TTC28: variants seen among roughly 807,000 people sequenced by gnomAD.
The protein encoded by TTC28 is tetratricopeptide repeat protein 28.
Under a neutral mutation model 198.0 loss-of-function variants are expected in TTC28, and 61 were observed. The observed-to-expected ratio is 0.31, with a 90% confidence interval of 0.25 to 0.38. TTC28 has a LOEUF of 0.38. Ranked by LOEUF, TTC28 falls within the 10% of genes least tolerant of loss-of-function variation. The probability of loss-of-function intolerance (pLI) is 1.00; values close to 1 mark genes in which losing one functional copy is unlikely to be tolerated. For synonymous variants in TTC28, 1,171 were observed against 1,297.8 expected, an observed-to-expected ratio of 0.90 and a Z score of 2.10; for missense variants, 2,678 against 3,164.0, an observed-to-expected ratio of 0.85 and a Z score of 3.69.
intron 2 of TTC28, among the ~76,000 whole-genome samples, chr22:28,611,613 A>G (rs1039087617): frequency 7.4e-5 from 11 of 148,034 alleles, no homozygotes; most frequent in South Asian, 6.8e-4. Context: ...ACCCACTAAC[A>G]TGTCATCTAG....
chr22:28,169,992 T>C (rs190328005), intron 5 of TTC28, among the ~76,000 whole-genome samples: 16 of 152,192 alleles, frequency 1.1e-4, no homozygotes, highest in African/African-American at 3.9e-4. Context: ...CTACGCAGAA[T>C]TGATAAAGAA....
chr22:28,655,861 A>C (rs1484044752), intron 1 of TTC28, among the ~76,000 whole-genome samples: 2 of 116,320 alleles, frequency 1.7e-5, no homozygotes, highest in Non-Finnish European at 3.9e-5. Flanking sequence ...AAAAAAAAGA[A>C]AAAAAAAAAA....
chr22:28,520,150 A>G (rs1386765831), intron 2 of TTC28, among the ~76,000 whole-genome samples: 2 of 152,226 alleles, frequency 1.3e-5, no homozygotes, highest in African/African-American at 4.8e-5. Context: ...TTTGAGTCCC[A>G]ACTTTACCCA....
chr22:28,580,331 T>C (rs1310687332), intron 2 of TTC28, among the ~76,000 whole-genome samples: 3 of 152,196 alleles, frequency 2.0e-5, no homozygotes, highest in African/African-American at 7.2e-5. Context: ...CTTTATGGTA[T>C]TTTTAATTTA....
At chr22:28,553,483 G>A (rs6005812) in intron 2 of TTC28, among the ~76,000 whole-genome samples, 48,026 of 148,914 alleles carry the variant, frequency 0.32, 8,312 homozygotes, top group African/African-American at 0.45. Flanking sequence ...CCGCAACCCC[G>A]TCTGGGAGGC....
chr22:28,022,745 C>T (rs752363517), intron 13 of TTC28, among the ~76,000 whole-genome samples: 15 of 152,218 alleles, frequency 9.9e-5, no homozygotes, highest in Non-Finnish European at 1.5e-4. Context: ...GAGATCTGAA[C>T]CTGAGTTTTA....
At chr22:28,633,492 G>A (rs2051214271) in intron 1 of TTC28, among the ~76,000 whole-genome samples, 1 of 151,860 alleles carries the variant, frequency 6.6e-6, no homozygotes, top group Non-Finnish European at 1.5e-5. Context: ...AGCTGAGTGG[G>A]TGACACGCAC....
At chr22:28,673,387 G>A (rs2051922081) in intron 1 of TTC28, among the ~76,000 whole-genome samples, 1 of 151,980 alleles carries the variant, frequency 6.6e-6, no homozygotes. Context: ...AAAGTTAACT[G>A]CGAATGTTAA....
At chr22:28,012,539 T>C (rs923462677) in intron 14 of TTC28, among the ~76,000 whole-genome samples, 4 of 152,020 alleles carry the variant, frequency 2.6e-5, no homozygotes, top group African/African-American at 9.7e-5. Flanking sequence ...TGAGATATGG[T>C]TCAGTTCTGT....
intron 5 of TTC28, among the ~76,000 whole-genome samples, chr22:28,267,089 C>T (rs541265488): frequency 5.4e-4 from 82 of 152,284 alleles, no homozygotes; most frequent in Middle Eastern, 3.4e-3. Flanking sequence ...ATTATATTCA[C>T]TTGAGAAAAC....
intron 2 of TTC28, among the ~76,000 whole-genome samples, chr22:28,573,121 CAA>C (rs34470620): frequency 1.7e-4 from 13 of 78,552 alleles, no homozygotes; most frequent in Admixed American, 4.3e-4. Flanking sequence ...GACCATGTCT[CAA>C]AAAAAAAAAA....
chr22:28,195,872 T>C (rs1036432802), intron 5 of TTC28, among the ~76,000 whole-genome samples: 1 of 151,638 alleles, frequency 6.6e-6, no homozygotes, highest in African/African-American at 2.4e-5. Context: ...CAAGGTAATT[T>C]ATAGATTCAG....
intron 2 of TTC28, among the ~76,000 whole-genome samples, chr22:28,615,057 G>A (rs922344586): frequency 2.6e-5 from 4 of 151,970 alleles, no homozygotes; most frequent in Non-Finnish European, 4.4e-5. Flanking sequence ...CTGACAAAGG[G>A]CTAATAATAT....
chr22:27,993,680 T>C (rs1347831049), intron 17 of TTC28, 162 bp from the exon 18 acceptor site: 4 of 656,410 alleles, frequency 6.1e-6, no homozygotes, highest in Non-Finnish European at 1.0e-5. Context: ...GGGCACTGAC[T>C]AGGCATCTTG....
At chr22:28,337,850 A>C (rs142619445) in intron 2 of TTC28, among the ~76,000 whole-genome samples, 1,746 of 152,204 alleles carry the variant, frequency 0.011, 28 homozygotes, top group African/African-American at 0.039. Flanking sequence ...ATTTAAGGTT[A>C]ATATTGTTAT....
chr22:28,046,161 G>A (rs896474602), intron 12 of TTC28, among the ~76,000 whole-genome samples: 8 of 152,144 alleles, frequency 5.3e-5, no homozygotes, highest in Non-Finnish European at 1.0e-4. Context: ...CCATAGGCTA[G>A]AAAAAATAGT....
At chr22:28,271,832 T>C (rs1932096110) in intron 5 of TTC28, among the ~76,000 whole-genome samples, 1 of 152,186 alleles carries the variant, frequency 6.6e-6, no homozygotes, top group Non-Finnish European at 1.5e-5. Flanking sequence ...CTCAAACTCC[T>C]GACCTTGTGA....
intron 6 of TTC28, among the ~76,000 whole-genome samples, chr22:28,157,214 A>C (rs1241496141): frequency 6.6e-6 from 1 of 152,222 alleles, no homozygotes; most frequent in Non-Finnish European, 1.5e-5. Flanking sequence ...GAAATGGACA[A>C]ATTCCTAGAC....
intron 12 of TTC28, among the ~76,000 whole-genome samples, chr22:28,069,899 CCTACA>C (rs1940898215): frequency 6.7e-6 from 1 of 149,220 alleles, no homozygotes; most frequent in African/African-American, 2.5e-5. Flanking sequence ...AAAGTATTAG[CCTACA>C]CTAAATTGAA....
Sources: allele counts gnomAD v4.1 joint callset (sites outside exome capture counted in the v4.1 genomes callset), GRCh38; gene constraint gnomAD v4.1.1; transcripts MANE v1.5; gene names NCBI Gene and HGNC (gene_info 2026-07-23, HGNC 2026-07-21).